The following EVC2 variants were observed in gnomAD, a reference collection of about 807,000 sequenced individuals.
EVC2 encodes the protein limbin.
EVC2 carries 148 observed loss-of-function variants against 149.3 expected under a neutral mutation model. The observed-to-expected ratio is 0.99, with a 90% CI of 0.87 to 1.14. EVC2 has a LOEUF of 1.14. Among genes scored for constraint, EVC2 ranks in the 50% most tolerant of loss-of-function variants. The probability of loss-of-function intolerance (pLI) is 0.00; values close to 1 mark genes in which losing one functional copy is unlikely to be tolerated. For synonymous variants in EVC2, 776 were observed against 649.9 expected, an observed-to-expected ratio of 1.19 and a Z score of -2.95; for missense variants, 1,854 against 1,627.3, an observed-to-expected ratio of 1.14 and a Z score of -2.40.
At chr4:5,704,334 G>A (rs1267957252) in intron 1 of EVC2, among the ~76,000 whole-genome samples, 1 of 152,194 alleles carries the variant, frequency 6.6e-6, no homozygotes, top group Admixed American at 6.5e-5. Context: ...CTTGGGGAGA[G>A]GGAGGAGGCA....
chr4:5,541,966 G>A (rs577341485), downstream of EVC2, among the ~76,000 whole-genome samples: 8 of 152,252 alleles, frequency 5.3e-5, no homozygotes, highest in South Asian at 2.1e-4. Context: ...ATGTGATGGC[G>A]TCAGGAGGTG....
chr4:5,537,528 A>G, the EVC2 span, among the ~76,000 whole-genome samples: 2 of 152,214 alleles, frequency 1.3e-5, no homozygotes, highest in African/African-American at 2.4e-5. Flanking sequence ...GCCATAGACT[A>G]AACATCTTAA....
chr4:5,606,090 C>T (rs1452327272), intron 16 of EVC2, among the ~76,000 whole-genome samples: 4 of 152,194 alleles, frequency 2.6e-5, no homozygotes, highest in African/African-American at 9.7e-5. Context: ...CAATAGAGAC[C>T]TCCTCACTGG....
In EVC2 at chr4:5,618,061, C is replaced by T. The variant is rs1715391687; in HGVS notation, c.2706+417G>A. The stretch of plus-strand genomic sequence containing the variant: ...TGCAAGAGCCCCTCTTTCCCTGACC[C>T]ACCTGAGTTGAGATGAGCATCCCTC... On this transcript the variant is annotated intron_variant, in intron 15 of 21. Coordinates refer to ENST00000344408, the MANE Select transcript of EVC2 (RefSeq NM_147127.5). The surrounding 1 kb of genome is among the most constrained non-coding windows in gnomAD (Gnocchi z 4.4). 6.6e-6 allele frequency among the ~76,000 whole-genome samples: 1 copy of T among 152,208 alleles called. No individual in the cohort carries two copies. The highest frequency in any genetic ancestry group is 6.5e-5 in the Admixed American group (1 of 15,286).
At chr4:5,706,370 A>ATAGATACATACATAGATAGATAGC (rs1560243385) in intron 1 of EVC2, among the ~76,000 whole-genome samples, 19 of 57,660 alleles carry the variant, frequency 3.3e-4, no homozygotes, top group Non-Finnish European at 7.1e-4. Flanking sequence ...AGATAGATAC[A>ATAGATACATACATAGATAGATAGC]TAGATAGATA....
chr4:5,547,403 C>T (rs1721643107), intron 21 of EVC2, among the ~76,000 whole-genome samples: 2 of 152,210 alleles, frequency 1.3e-5, no homozygotes, highest in Non-Finnish European at 2.9e-5. Flanking sequence ...GGGCAGATCC[C>T]CAGTGAGGCA....
chr4:5,594,519 G>C (rs1420875835), intron 16 of EVC2, among the ~76,000 whole-genome samples: 1 of 152,172 alleles, frequency 6.6e-6, no homozygotes, highest in Non-Finnish European at 1.5e-5. Context: ...GGTCTTGTCT[G>C]TTAGAAGGAA....
chr4:5,607,647 C>T (rs1186466136), intron 16 of EVC2, among the ~76,000 whole-genome samples: 1 of 152,142 alleles, frequency 6.6e-6, no homozygotes, highest in Non-Finnish European at 1.5e-5. Context: ...CTCCTTTCCT[C>T]CAAGAATCAG....
At chr4:5,681,900 A>G (rs1210763767) in intron 6 of EVC2, among the ~76,000 whole-genome samples, 1 of 152,186 alleles carries the variant, frequency 6.6e-6, no homozygotes, top group Non-Finnish European at 1.5e-5. Flanking sequence ...TAAAGGCAGA[A>G]TAGCTTGCCA....
chr4:5,598,557 C>G (rs1560152825), intron 16 of EVC2, among the ~76,000 whole-genome samples: 1 of 152,168 alleles, frequency 6.6e-6, no homozygotes, highest in Non-Finnish European at 1.5e-5. Context: ...ACACCTTATA[C>G]AAAAATCAAT....
rs1715759191 is a variant in EVC2, at chr4:5,622,446, C to T, written c.2501+91G>A. ...CTCATCTGTCTGGGGCCAGGTGTCT[C>T]ATGCTTGGCCATCCCCACAACCACA... On this transcript the variant is annotated intron_variant, in intron 14 of 21. Transcript: ENST00000344408. The surrounding 1 kb of genome is among the most constrained non-coding windows in gnomAD (Gnocchi z 5.8). The T allele has an allele frequency of 6.9e-7, 1 of 1,440,862 alleles. No homozygotes were observed. Among genetic ancestry groups the T allele is most frequent in the East Asian group, 2.5e-5 (1 of 40,746 alleles). The allele number at this position is 1,440,862 out of a possible 1,614,324, so 89.3% of individuals were successfully genotyped here.
chr4:5,581,640 C>T (rs1711807229), intron 17 of EVC2, among the ~76,000 whole-genome samples: 2 of 152,206 alleles, frequency 1.3e-5, no homozygotes, highest in African/African-American at 4.8e-5. Flanking sequence ...AAAGAAATGA[C>T]CTGAAACTGG....
intron 21 of EVC2, among the ~76,000 whole-genome samples, chr4:5,556,133 C>T (rs1008874531): frequency 2.4e-5 from 3 of 126,700 alleles, no homozygotes; most frequent in African/African-American, 3.1e-5. Flanking sequence ...GAGCCAAGAT[C>T]GTGCCATTGC....
Position 5,595,499 on chromosome 4 carries a change from T to C in EVC2, c.2830-10649A>G, listed in dbSNP as rs190166882. On this transcript the variant is annotated intron_variant, in intron 16 of 21. Transcript: ENST00000344408. ...CATAAGTGAAGGACAAATAAAATAC[T>C]TTACAGACAAGCAAATGCTGAGAGA... Among the ~76,000 whole-genome samples the C allele has an allele frequency of 7.6e-3, 1,161 of 152,158 alleles. 13 individuals carry two copies. Among genetic ancestry groups the C allele is most frequent in the Non-Finnish European group, 0.011 (760 of 68,012 alleles).
chr4:5,694,755 A>T (rs1218124747), intron 2 of EVC2, among the ~76,000 whole-genome samples: 1 of 152,184 alleles, frequency 6.6e-6, no homozygotes, highest in Non-Finnish European at 1.5e-5. Flanking sequence ...AGCCCCACCT[A>T]GGAATCAGAA....
At chr4:5,705,319 A>G (rs575789481) in intron 1 of EVC2, among the ~76,000 whole-genome samples, 3 of 152,332 alleles carry the variant, frequency 2.0e-5, no homozygotes, top group African/African-American at 7.2e-5. Context: ...TTCTTGGGAC[A>G]TCAGATAGGC....
chr4:5,665,233 C>T lies in EVC2; in HGVS notation c.1005+282G>A, dbSNP rs56338596. On this transcript the variant is annotated intron_variant, in intron 8 of 21. Transcript: ENST00000344408. ...GCTGAAGCAGGAGGACTGCTTAAGC[C>T]CAGGAGTTCCAAGTTGTAACGTTCT... Among the ~76,000 whole-genome samples, 21,200 of 151,958 alleles carry T rather than the reference C, an allele frequency of 0.14. 1,553 individuals are homozygous for T. The highest frequency in any genetic ancestry group is 0.15 in the Non-Finnish European group (10,293 of 67,948).
chr4:5,557,190 T>C (rs965874659), intron 21 of EVC2, among the ~76,000 whole-genome samples: 1 of 152,088 alleles, frequency 6.6e-6, no homozygotes, highest in Admixed American at 6.5e-5. Context: ...TATTTACAAA[T>C]TAAATCCAAT....
rs67802779 is a variant in EVC2 at position 5,686,095 on chromosome 4, TACACAC to T, written c.707-622_707-617del. ...AACATATATACACACACATATATAT[TACACAC>T]ACACACACACACACACACACACACA... On this transcript the variant is annotated intron_variant, in intron 5 of 21. Coordinates refer to ENST00000344408, the MANE Select transcript of EVC2 (RefSeq NM_147127.5). This position sits in a 1 kb window ranked among gnomAD's most constrained non-coding sequence, Gnocchi z 5.4. 0.035 allele frequency among the ~76,000 whole-genome samples: 469 copies of T among 13,262 alleles called. 2 individuals are homozygous for T. Among genetic ancestry groups the T allele is most frequent in the South Asian group, 0.24 (184 of 772 alleles). The allele number at this position is 13,262 out of a possible 152,430, so 8.7% of individuals were successfully genotyped here. A position where few individuals can be genotyped will look rare whatever the true frequency, so the allele number is the denominator to read the frequency against.
Sources: gnomAD v4.1 joint callset for allele counts (sites outside exome capture counted in the v4.1 genomes callset) on GRCh38, gnomAD v4.1.1 for gene constraint, Gnocchi (gnomAD v3.1) non-coding constraint, MANE v1.5 for transcripts, NCBI Gene and HGNC (gene_info 2026-07-23, HGNC 2026-07-21) for gene names.